The following TMCO4 variants were observed in gnomAD, a reference collection of about 807,000 sequenced individuals.
TMCO4 encodes the protein transmembrane and coiled-coil domain-containing protein 4.
Under a neutral mutation model 64.7 loss-of-function variants are expected in TMCO4, and 58 were observed. The observed-to-expected ratio is 0.90, with a 90% CI of 0.73 to 1.12. The LOEUF is 1.12. Among genes scored for constraint, TMCO4 ranks in the 50% most tolerant of loss-of-function variants. The pLI is 0.00. For synonymous variants in TMCO4, 325 were observed against 346.1 expected (o/e 0.94, Z 0.68); for missense variants, 780 against 825.9 (o/e 0.94, Z 0.68).
intron 13 of TMCO4, among the ~76,000 whole-genome samples, chr1:19,736,737 G>T (rs2095456520): frequency 6.6e-6 from 1 of 152,208 alleles, no homozygotes. Context: ...TGACACTGGA[G>T]GCATGACACA....
chr1:19,685,168 A>T (rs80219620), intron 15 of TMCO4, among the ~76,000 whole-genome samples: 7 of 152,214 alleles, frequency 4.6e-5, no homozygotes, highest in African/African-American at 1.7e-4. Flanking sequence ...CTACAAAAAA[A>T]TACAAAAATT....
chr1:19,751,296 T>C (rs2042010049), intron 7 of TMCO4, among the ~76,000 whole-genome samples: 1 of 152,198 alleles, frequency 6.6e-6, no homozygotes, highest in African/African-American at 2.4e-5. Flanking sequence ...ATGGACATGT[T>C]GGCTAAATAA....
Position 19,734,808 on chromosome 1 carries a change from G to C in TMCO4, c.1264+2564C>G, listed in dbSNP as rs1286137166. Among the ~76,000 whole-genome samples the C allele has an allele frequency of 6.6e-6, 1 of 152,140 alleles. No individual in the cohort carries two copies. The highest frequency in any genetic ancestry group is 1.5e-5 in the Non-Finnish European group (1 of 68,004). ...CCTGAATCCTGGCTCTGGCACTTAG[G>C]ATTCTTGTGGCTTCACCTCTCAGCC... On this transcript the variant is annotated intron_variant, in intron 13 of 15. Transcript: ENST00000294543. This position sits in a 1 kb window ranked among gnomAD's most constrained non-coding sequence, Gnocchi z 4.4.
At chr1:19,725,006 C>T (rs1329589351) in intron 13 of TMCO4, among the ~76,000 whole-genome samples, 2 of 152,098 alleles carry the variant, frequency 1.3e-5, no homozygotes, top group East Asian at 1.9e-4. Flanking sequence ...GTGATGCACC[C>T]GCCTCGGCCT....
intron 5 of TMCO4, 107 bp from the exon 6 acceptor site, chr1:19,770,676 A>C (rs901071871): frequency 8.8e-7 from 1 of 1,137,994 alleles, no homozygotes; most frequent in Non-Finnish European, 1.3e-6. Flanking sequence ...ACAGACAAAA[A>C]GCCACTGCCC....
At chr1:19,748,633 T>C (rs2041892343) in intron 7 of TMCO4, among the ~76,000 whole-genome samples, 1 of 152,160 alleles carries the variant, frequency 6.6e-6, no homozygotes, top group Non-Finnish European at 1.5e-5. Context: ...GAGACCAGCC[T>C]GGCCAATATG....
At chr1:19,728,210 G>C (rs958149752) in intron 13 of TMCO4, among the ~76,000 whole-genome samples, 4 of 152,032 alleles carry the variant, frequency 2.6e-5, no homozygotes, top group Non-Finnish European at 5.9e-5. Context: ...TAAAATAAAA[G>C]GTTTTAAGTA....
intron 13 of TMCO4, among the ~76,000 whole-genome samples, chr1:19,728,784 C>G (rs2095418764): frequency 6.6e-6 from 1 of 152,240 alleles, no homozygotes; most frequent in South Asian, 2.1e-4. Flanking sequence ...CCCACTCTGC[C>G]TTTCCATCAA....
intron 15 of TMCO4, among the ~76,000 whole-genome samples, chr1:19,688,070 C>T (rs1390990428): frequency 6.6e-6 from 1 of 152,198 alleles, no homozygotes; most frequent in Non-Finnish European, 1.5e-5. Context: ...CTGACCATCT[C>T]CCAGGCTGTC....
At chr1:19,789,952 G>T (rs938535216) in intron 2 of TMCO4, among the ~76,000 whole-genome samples, 4 of 151,432 alleles carry the variant, frequency 2.6e-5, no homozygotes, top group Non-Finnish European at 4.4e-5. Context: ...ACTCGGGAGG[G>T]TGAGGTGGGA....
intron 14 of TMCO4, 90 bp downstream of exon 14, chr1:19,700,678 C>T: frequency 8.3e-7 from 1 of 1,201,080 alleles, no homozygotes; most frequent in African/African-American, 1.5e-5. Flanking sequence ...GGGATTAGGT[C>T]TCAAATATGT....
chr1:19,739,810 C>T lies in TMCO4; in HGVS notation c.1179+14G>A. On this transcript the variant is annotated intron_variant, in intron 12 of 15. Coordinates refer to ENST00000294543, the MANE Select transcript of TMCO4 (RefSeq NM_181719.7). ...CTTGCTCAATGCCACGCCCACACAG[C>T]CATTCCCAGGTACCTGCTGCCGGGA... 4 of 1,610,834 alleles carry T rather than the reference C, an allele frequency of 2.5e-6. No homozygotes were observed. The highest frequency in any genetic ancestry group is 3.4e-6 in the Non-Finnish European group (4 of 1,178,732).
At chr1:19,702,058 C>T (rs1330293971) in intron 13 of TMCO4, among the ~76,000 whole-genome samples, 1 of 152,082 alleles carries the variant, frequency 6.6e-6, no homozygotes, top group Admixed American at 6.5e-5. Context: ...CAAGCTCCGC[C>T]TCCTGGGTTC....
intron 13 of TMCO4, among the ~76,000 whole-genome samples, chr1:19,736,508 C>T (rs899915284): frequency 1.1e-4 from 17 of 152,168 alleles, no homozygotes; most frequent in Admixed American, 1.1e-3. Flanking sequence ...AGAGTCCTGC[C>T]GCTGCTACCT....
chr1:19,688,059 C>T (rs904911370), intron 15 of TMCO4, among the ~76,000 whole-genome samples: 1 of 152,156 alleles, frequency 6.6e-6, no homozygotes, highest in African/African-American at 2.4e-5. Flanking sequence ...AGATTCAGCC[C>T]CTGACCATCT....
chr1:19,697,099 C>A (rs1158379555), intron 14 of TMCO4, among the ~76,000 whole-genome samples: 3 of 152,242 alleles, frequency 2.0e-5, no homozygotes, highest in Non-Finnish European at 2.9e-5. Context: ...GAGCCGCGGG[C>A]ATGACTATTA....
chr1:19,711,845 T>C (rs575176129), intron 13 of TMCO4, among the ~76,000 whole-genome samples: 13 of 152,232 alleles, frequency 8.5e-5, no homozygotes, highest in Non-Finnish European at 1.8e-4. Flanking sequence ...TTAGTAGAGA[T>C]GGGGTTTCTC....
chr1:19,756,611 C>T (rs1030328427), intron 6 of TMCO4, among the ~76,000 whole-genome samples: 6 of 152,016 alleles, frequency 3.9e-5, no homozygotes, highest in South Asian at 2.1e-4. Flanking sequence ...CCCATCCAGC[C>T]GAAAACCAAG....
chr1:19,693,454 G>C (rs1002090850), intron 15 of TMCO4, among the ~76,000 whole-genome samples: 12 of 151,946 alleles, frequency 7.9e-5, no homozygotes, highest in African/African-American at 2.4e-4. Flanking sequence ...CTCCAGACTG[G>C]GCAACAGAGT....
Sources: allele counts gnomAD v4.1 joint callset (sites outside exome capture counted in the v4.1 genomes callset), GRCh38; gene constraint gnomAD v4.1.1; non-coding constraint Gnocchi (gnomAD v3.1); transcripts MANE v1.5; gene names NCBI Gene and HGNC (gene_info 2026-07-23, HGNC 2026-07-21).